The following PDLIM5 variants were observed in gnomAD, a reference collection of about 807,000 sequenced individuals.
PDLIM5 encodes the protein PDZ and LIM domain protein 5.
In PDLIM5, 34 loss-of-function variants were observed where a neutral mutation model predicts 64.2. That is an observed-to-expected ratio of 0.53 (90% CI 0.40 to 0.71). The LOEUF (loss-of-function observed/expected upper bound fraction) is 0.71. Ranked by LOEUF, PDLIM5 falls within the 30% of genes least tolerant of loss-of-function variation. The pLI is 0.00. For missense variants in PDLIM5, 683 were observed against 733.6 expected (o/e 0.93, Z 0.80); for synonymous variants, 253 against 269.1 (o/e 0.94, Z 0.59).
intron 2 of PDLIM5, among the ~76,000 whole-genome samples, chr4:94,479,323 T>G (rs2126103924): frequency 1.6e-5 from 2 of 123,106 alleles, no homozygotes; most frequent in South Asian, 5.7e-4. Flanking sequence ...TAAGGAGAGC[T>G]TTGAGACTTT....
chr4:94,604,372 G>A (rs747139462), intron 7 of PDLIM5, among the ~76,000 whole-genome samples: 12 of 152,150 alleles, frequency 7.9e-5, no homozygotes, highest in Non-Finnish European at 1.6e-4. Context: ...GGTGGCTCAC[G>A]CCTGTAATCC....
At chr4:94,452,190 A>T (rs2126066401) in intron 1 of PDLIM5, among the ~76,000 whole-genome samples, 195 bp downstream of exon 1, 1 of 152,226 alleles carries the variant, frequency 6.6e-6, no homozygotes, top group South Asian at 2.1e-4. Flanking sequence ...TGGGAAAAGG[A>T]GCGCCCGGAA....
At chr4:94,640,823 T>C (rs1159070085) in intron 9 of PDLIM5, among the ~76,000 whole-genome samples, 1 of 152,172 alleles carries the variant, frequency 6.6e-6, no homozygotes, top group Non-Finnish European at 1.5e-5. Context: ...AGGACATTCA[T>C]TTAGATGAAA....
rs566523936 is a variant in PDLIM5 at position 94,663,825 on chromosome 4, G to A, written c.1702-153G>A. On this transcript the variant is annotated intron_variant, in intron 12 of 12. Coordinates refer to ENST00000317968, the MANE Select transcript of PDLIM5 (RefSeq NM_006457.5). ...GATTATATCTAATGTTATAGTAATC[G>A]TCAAATATTAGGGAGTCTAACTTAA... is the stretch of plus-strand genomic sequence containing the variant. Among the ~76,000 whole-genome samples, 17 of 152,220 alleles carry A rather than the reference G, an allele frequency of 1.1e-4. No individual in the cohort carries two copies. In the East Asian group the frequency reaches 1.5e-3, roughly 14 times the overall value.
intron 2 of PDLIM5, among the ~76,000 whole-genome samples, chr4:94,467,167 A>G (rs1724438518): frequency 6.6e-6 from 1 of 152,204 alleles, no homozygotes; most frequent in Non-Finnish European, 1.5e-5. Flanking sequence ...TATTTATTCA[A>G]GATTACTTTA....
At chr4:94,663,888 A>T in intron 12 of PDLIM5, 90 bp from the exon 13 acceptor site, 2 of 1,370,130 alleles carry the variant, frequency 1.5e-6, no homozygotes, top group Non-Finnish European at 2.0e-6. Context: ...CATTGGGGGG[A>T]AAAATCACTC....
intron 2 of PDLIM5, 151 bp from the exon 3 acceptor site, chr4:94,523,573 G>A: frequency 2.1e-6 from 1 of 465,908 alleles, no homozygotes; most frequent in Admixed American, 3.6e-5. Flanking sequence ...ATCTTTACAT[G>A]CTAAAATTCT....
intron 3 of PDLIM5, among the ~76,000 whole-genome samples, chr4:94,524,497 A>C (rs1730161030): frequency 6.6e-6 from 1 of 151,768 alleles, no homozygotes. Flanking sequence ...ATTATATTAA[A>C]GGGTATTCTT....
chr4:94,539,306 T>G (rs542849647), intron 3 of PDLIM5, among the ~76,000 whole-genome samples: 1 of 152,262 alleles, frequency 6.6e-6, no homozygotes, highest in East Asian at 1.9e-4. Flanking sequence ...CCGAATTCAT[T>G]TGCAGTGTAG....
intron 7 of PDLIM5, among the ~76,000 whole-genome samples, chr4:94,607,157 T>C (rs1737996323): frequency 6.6e-6 from 1 of 152,208 alleles, no homozygotes; most frequent in African/African-American, 2.4e-5. Context: ...GGTAAAGGTA[T>C]GACTAATGTG....
At chr4:94,548,795 A>G (rs932381659) in intron 3 of PDLIM5, among the ~76,000 whole-genome samples, 11 of 152,138 alleles carry the variant, frequency 7.2e-5, no homozygotes, top group Admixed American at 2.0e-4. Flanking sequence ...CACTTCTGCT[A>G]TGTAGTTACC....
chr4:94,625,497 G>T (rs375061737), intron 8 of PDLIM5, among the ~76,000 whole-genome samples: 7 of 149,614 alleles, frequency 4.7e-5, no homozygotes, highest in Admixed American at 3.3e-4. Flanking sequence ...GTGTTGCCCA[G>T]GCTGGAGTGC....
At chr4:94,648,467 G>C (rs1741585761) in intron 9 of PDLIM5, among the ~76,000 whole-genome samples, 1 of 152,172 alleles carries the variant, frequency 6.6e-6, no homozygotes, top group South Asian at 2.1e-4. Flanking sequence ...CCACAGGCCT[G>C]CACCACCATG....
intron 3 of PDLIM5, among the ~76,000 whole-genome samples, chr4:94,561,561 GGTT>G (rs1426213097): frequency 5.9e-5 from 9 of 152,216 alleles, no homozygotes; most frequent in South Asian, 4.1e-4. Context: ...TCTATGCACT[GGTT>G]GTTATCCTTT....
chr4:94,481,898 C>T (rs1442979190), intron 2 of PDLIM5, among the ~76,000 whole-genome samples: 4 of 151,640 alleles, frequency 2.6e-5, no homozygotes, highest in African/African-American at 4.8e-5. Flanking sequence ...TGTGAGCCAC[C>T]GTGGCCCATT....
intron 9 of PDLIM5, among the ~76,000 whole-genome samples, chr4:94,644,120 TAGTTAA>T (rs757415857): frequency 1.3e-4 from 19 of 151,738 alleles, no homozygotes; most frequent in Admixed American, 7.2e-4. Flanking sequence ...TTTCAGATAA[TAGTTAA>T]AGTTAAATGT....
chr4:94,647,382 C>CA (rs76169283), intron 9 of PDLIM5, among the ~76,000 whole-genome samples: 6 of 150,866 alleles, frequency 4.0e-5, no homozygotes, highest in South Asian at 4.2e-4. Context: ...GATGTTAAGA[C>CA]AAAAAAAATT....
At chr4:94,597,377 T>C (rs1412228099) in intron 7 of PDLIM5, among the ~76,000 whole-genome samples, 1 of 151,440 alleles carries the variant, frequency 6.6e-6, no homozygotes, top group Non-Finnish European at 1.5e-5. Context: ...GCATCACAGG[T>C]ATGTTTACAA....
At chr4:94,635,605 A>G (rs181123067) in intron 8 of PDLIM5, among the ~76,000 whole-genome samples, 69 of 152,338 alleles carry the variant, frequency 4.5e-4, no homozygotes, top group Non-Finnish European at 9.0e-4. Context: ...TGTGCTACCC[A>G]TGGAAGACTG....
Sources: gnomAD v4.1 joint callset for allele counts (sites outside exome capture counted in the v4.1 genomes callset) on GRCh38, gnomAD v4.1.1 for gene constraint, MANE v1.5 for transcripts, NCBI Gene and HGNC (gene_info 2026-07-23, HGNC 2026-07-21) for gene names.